The following DBN1 variants were observed in gnomAD, a reference collection of about 807,000 sequenced individuals.
The protein encoded by DBN1 is drebrin.
DBN1 carries 21 observed loss-of-function variants against 83.5 expected under a neutral mutation model. The observed-to-expected ratio is 0.25, with a 90% CI of 0.18 to 0.36. The LOEUF (loss-of-function observed/expected upper bound fraction) is 0.36. Ranked by LOEUF, DBN1 falls within the 10% of genes least tolerant of loss-of-function variation. DBN1 has a pLI of 1.00. For synonymous variants in DBN1, 381 were observed against 384.9 expected (o/e 0.99, Z 0.12); for missense variants, 874 against 935.7 (o/e 0.93, Z 0.86).
chr5:177,468,468 A>T, intron 2 of DBN1: 1 of 562,284 alleles, frequency 1.8e-6, no homozygotes. Context: ...TTTGTTCTTC[A>T]CACTCAGGTC....
In DBN1 at chr5:177,457,357, G is replaced by C; in HGVS notation, c.*76C>G. On this transcript the variant is annotated 3_prime_UTR_variant, in exon 15 of 15. Transcript: ENST00000393565. ...CCAGGCGGAGCTGCTGCGAATGCAG[G>C]CACGGCGGGCCGTCTGGCCAGAGGC... 2 of 1,294,562 alleles carry C rather than the reference G, an allele frequency of 1.5e-6. No individual in the cohort carries two copies. Among genetic ancestry groups the C allele is most frequent in the Admixed American group, 1.7e-5 (1 of 59,048 alleles). The allele number at this position is 1,294,562 out of a possible 1,614,324, so 80.2% of individuals were successfully genotyped here. A position where few individuals can be genotyped will look rare whatever the true frequency, so the allele number is the denominator to read the frequency against.
At chr5:177,462,503 G>T in intron 8 of DBN1, 1 of 717,110 alleles carries the variant, frequency 1.4e-6, no homozygotes, top group Middle Eastern at 7.1e-4. Flanking sequence ...CACATCCTAA[G>T]TTCCTGTTTC....
chr5:177,464,679 T>C (rs909693623), intron 8 of DBN1, among the ~76,000 whole-genome samples: 5 of 151,672 alleles, frequency 3.3e-5, no homozygotes, highest in Non-Finnish European at 2.9e-5. Context: ...CGGTGGCTCA[T>C]GCCTGTAATC....
chr5:177,458,519 C>T lies in DBN1; in HGVS notation c.1453G>A (p.Ala485Thr), dbSNP rs529598779. 29 of 1,614,184 alleles carry T rather than the reference C, an allele frequency of 1.8e-5. No individual in the cohort carries two copies. In the Admixed American group the frequency reaches 3.7e-4, roughly 20 times the overall value. The change falls in exon 13 of 15, where the codon GCC becomes ACC. Residue 485 changes from alanine to threonine, a missense_variant. This residue lies in a region of DBN1 where 725 missense variants were observed against 719.7 expected (regional missense o/e 1.01). Coordinates refer to ENST00000393565, the MANE Select transcript of DBN1 (RefSeq NM_001363541.2). Reference protein sequence around the residue: ...QAVLAAPVEPATADATEIHDA... With the variant: ...QAVLAAPVEPTTADATEIHDA... The stretch of plus-strand genomic sequence containing the variant: ...TGGATCTCCGTGGCGTCAGCTGTGG[C>T]AGGCTCCACGGGAGCAGCCAGGACA...
At chr5:177,459,298 AGGGCGG>A in intron 11 of DBN1, 30 bp from the exon 12 acceptor site, 1 of 1,592,718 alleles carries the variant, frequency 6.3e-7, no homozygotes, top group Non-Finnish European at 8.5e-7. Context: ...TGGGTCAGTG[AGGGCGG>A]GGGAGCCGGG....
At chr5:177,470,999 GCT>G (rs1431005470) in intron 1 of DBN1, among the ~76,000 whole-genome samples, 2 of 152,216 alleles carry the variant, frequency 1.3e-5, no homozygotes, top group African/African-American at 4.8e-5. Context: ...AGCACATCCT[GCT>G]CTCTGGGTCC....
chr5:177,469,610 G>A (rs1388218882), intron 1 of DBN1, among the ~76,000 whole-genome samples: 1 of 152,242 alleles, frequency 6.6e-6, no homozygotes, highest in Non-Finnish European at 1.5e-5. Flanking sequence ...GGCTTCCTGA[G>A]ACTGCTGGCC....
intron 12 of DBN1, 116 bp downstream of exon 12, chr5:177,458,982 T>G: frequency 6.7e-7 from 1 of 1,497,848 alleles, no homozygotes; most frequent in South Asian, 1.4e-5. Context: ...TCCAGGGCAG[T>G]GCAGTCTTGG....
chr5:177,466,955 G>T lies in DBN1; in HGVS notation c.663C>A (p.Arg221=). 6.2e-7 allele frequency: 1 copy of T among 1,612,768 alleles called. No individual in the cohort carries two copies. The highest frequency in any genetic ancestry group is 2.2e-5 in the East Asian group (1 of 44,864). The stretch of plus-strand genomic sequence containing the variant: ...GCTCCCGCTCCCGGTAGCGCCGCTC[G>T]CGCTCCTCTTGCTCCTGCCGCTCCT... ...MEQERQEQEE[R]ERRYREREQQ... is the part of the protein sequence containing the mutation. The change falls in exon 7 of 15, where the codon CGC becomes CGA. Residue 221 remains arginine, a synonymous_variant. Transcript: ENST00000393565. The surrounding 1 kb of genome is among the most constrained non-coding windows in gnomAD (Gnocchi z 4.8).
rs755068710 is a variant in DBN1, at chr5:177,460,492, T to C, written c.895A>G (p.Arg299Gly). The change falls in exon 10 of 15, where the codon AGA becomes GGA. Residue 299 changes from arginine to glycine, a missense_variant. By Grantham distance (125) the Arg-to-Gly change is moderately radical. Transcript: ENST00000393565. The stretch of plus-strand genomic sequence containing the variant: ...CTGCCCGCAGAGGCCGATGCGACTC[T>C]TTCCTGCTGCTTGAAGAACTCCCTT... ...NPREFFKQQE[R>G]VASASAGSCD... is the part of the protein sequence containing the mutation. The C allele has an allele frequency of 6.2e-7, 1 of 1,614,186 alleles. No homozygotes were observed. Among genetic ancestry groups the C allele is most frequent in the East Asian group, 2.2e-5 (1 of 44,876 alleles).
chr5:177,467,615 T>C lies in DBN1; in HGVS notation c.343A>G (p.Ile115Val). Residue 115 changes from isoleucine (I) to valine (V), a missense_variant, in exon 5 of 15, where the codon ATC (isoleucine) becomes GTC (valine). By Grantham distance (29) the Ile-to-Val change is conservative. Coordinates refer to ENST00000393565, the MANE Select transcript of DBN1 (RefSeq NM_001363541.2). This position sits in a 1 kb window ranked among gnomAD's most constrained non-coding sequence, Gnocchi z 9.1. ...VAEFFQGVDV[I>V]VNASSVEDID... is the part of the protein sequence containing the mutation. ...TCTTCCACGCTGCTGGCGTTCACGA[T>C]CACGTCGACACCCTTCCGCAAGAAG... 6.4e-7 allele frequency: 1 copy of C among 1,573,126 alleles called. No individual in the cohort carries two copies. Among genetic ancestry groups the C allele is most frequent in the Non-Finnish European group, 8.6e-7 (1 of 1,159,176 alleles).
At position 177,469,130 on chromosome 5, in the gene DBN1, C is replaced by T. The variant is rs1326687002; in HGVS notation, c.87-231G>A. Among the ~76,000 whole-genome samples the T allele has an allele frequency of 2.0e-5, 3 of 152,256 alleles. No homozygotes were observed. The East Asian group carries it at 5.8e-4, about 29-fold the overall frequency. On this transcript the variant is annotated intron_variant, in intron 1 of 14. Coordinates refer to ENST00000393565, the MANE Select transcript of DBN1 (RefSeq NM_001363541.2). ...AGGCAGTGAGGGGAGAAATTGCTGG[C>T]TGGTCGAGCTCAGTGCGCAGCATCC...
chr5:177,459,786 G>A (rs899906098), intron 10 of DBN1, 46 bp from the exon 11 acceptor site: 2 of 1,419,010 alleles, frequency 1.4e-6, no homozygotes, highest in Non-Finnish European at 1.9e-6. Flanking sequence ...ACAAGAGAGG[G>A]TCAGTCTCCC....
chr5:177,465,305 T>C (rs186834180), intron 8 of DBN1, among the ~76,000 whole-genome samples: 149 of 152,356 alleles, frequency 9.8e-4, no homozygotes, highest in African/African-American at 3.4e-3. Flanking sequence ...AAGGACATCA[T>C]GCTAAGTGAA....
chr5:177,467,675 TC>T lies in DBN1; in HGVS notation c.331-49del, dbSNP rs1410965191. ...CTCAGGCGGCACCATCCTCCCGCCATCCCCACCCCAGCACGCAGACCCTGGT... is the reference window on the plus strand; with the variant it reads ...CTCAGGCGGCACCATCCTCCCGCCATCCCACCCCAGCACGCAGACCCTGGT... On this transcript the variant is annotated intron_variant, in intron 4 of 14. Transcript: ENST00000393565. The surrounding 1 kb of genome is among the most constrained non-coding windows in gnomAD (Gnocchi z 9.1). 12 of 1,558,230 alleles carry T rather than the reference TC, an allele frequency of 7.7e-6. No individual in the cohort carries two copies. Among genetic ancestry groups the T allele is most frequent in the Non-Finnish European group, 1.0e-5 (12 of 1,151,192 alleles).
rs977044036 is a variant in DBN1 at position 177,472,451 on chromosome 5, G to A, written c.86+985C>T. 5 of 1,324,004 alleles carry A rather than the reference G, an allele frequency of 3.8e-6. No individual in the cohort carries two copies. In the South Asian group the frequency reaches 5.5e-5, roughly 14 times the overall value. 82.0% of individuals were successfully genotyped at this position (1,324,004 alleles called of 1,614,324 possible). Reference sequence around the variant, plus strand: ...AAGGATTCCAGGATGGGGCTGTGAGGAACCCCTCGGTTTCCTTTTTCCACC... The same window carrying A: ...AAGGATTCCAGGATGGGGCTGTGAGAAACCCCTCGGTTTCCTTTTTCCACC... On this transcript the variant is annotated intron_variant, in intron 1 of 14. Coordinates refer to ENST00000393565, the MANE Select transcript of DBN1 (RefSeq NM_001363541.2).
Position 177,457,700 on chromosome 5 carries a change from G to C in DBN1, c.1972C>G (p.Leu658Val). The change falls in exon 14 of 15, where the codon CTC (leucine) becomes GTC (valine). Residue 658 changes from leucine to valine, a missense_variant. Leu to Val is a conservative substitution (Grantham distance 32, BLOSUM62 1). Coordinates refer to ENST00000393565, the MANE Select transcript of DBN1 (RefSeq NM_001363541.2). ...QEEEFAQSEE[L>V]CAKAPPPVFY... is the part of the protein sequence containing the mutation. ...ACAGGAGGCGGAGCCTTGGCACAGA[G>C]CTCTTCCGATTGGGCAAACTCCTCC... 2 of 1,612,396 alleles carry C rather than the reference G, an allele frequency of 1.2e-6. No homozygotes were observed. The highest frequency in any genetic ancestry group is 1.7e-6 in the Non-Finnish European group (2 of 1,178,548).
At chr5:177,460,079 C>A (rs1756903032) in intron 10 of DBN1, among the ~76,000 whole-genome samples, 1 of 152,188 alleles carries the variant, frequency 6.6e-6, no homozygotes. Context: ...CGGGAGGCTC[C>A]CTCAGGCCCG....
At chr5:177,468,752 C>T (rs1387271715) in intron 2 of DBN1, 92 bp downstream of exon 2, 4 of 798,846 alleles carry the variant, frequency 5.0e-6, no homozygotes, top group Non-Finnish European at 7.3e-6. Flanking sequence ...AGGGTGCAGG[C>T]AGGGAGGTGG....
Sources: allele counts gnomAD v4.1 joint callset (sites outside exome capture counted in the v4.1 genomes callset), GRCh38; gene constraint gnomAD v4.1.1; regional missense constraint gnomAD v4.1.1; non-coding constraint Gnocchi (gnomAD v3.1); transcripts MANE v1.5; gene names NCBI Gene and HGNC (gene_info 2026-07-23, HGNC 2026-07-21).